The following SEPTIN11 variants were observed in gnomAD, a reference collection of about 807,000 sequenced individuals.
SEPTIN11 encodes septin-11.
Under a neutral mutation model 51.4 loss-of-function variants are expected in SEPTIN11, and 25 were observed. The ratio of observed to expected loss-of-function variants is 0.49; its 90% CI spans 0.35 to 0.68. The LOEUF (loss-of-function observed/expected upper bound fraction) is 0.68, where lower values mean the gene tolerates loss of function less well. SEPTIN11 is among the 30% of genes least tolerant of loss of function. SEPTIN11 has a pLI of 0.00. For missense variants in SEPTIN11, 381 were observed against 520.8 expected, an observed-to-expected ratio of 0.73 and a Z score of 2.61; for synonymous variants, 174 against 184.1, an observed-to-expected ratio of 0.95 and a Z score of 0.44.
chr4:76,994,793 T>C (rs2109932950), intron 1 of SEPTIN11, among the ~76,000 whole-genome samples: 1 of 152,140 alleles, frequency 6.6e-6, no homozygotes, highest in African/African-American at 2.4e-5. Context: ...AAATGGGGTC[T>C]TAGTCCTTGC....
chr4:77,029,170 C>T (rs999191718), intron 8 of SEPTIN11, among the ~76,000 whole-genome samples: 1 of 152,208 alleles, frequency 6.6e-6, no homozygotes, highest in Non-Finnish European at 1.5e-5. Flanking sequence ...TGGGGGACAA[C>T]GATCTGACAC....
chr4:76,979,758 G>C (rs115296938), intron 1 of SEPTIN11, among the ~76,000 whole-genome samples: 2 of 151,636 alleles, frequency 1.3e-5, no homozygotes, highest in Admixed American at 6.6e-5. Flanking sequence ...GCTGGTGGGC[G>C]CCTGTAATCC....
At chr4:76,978,033 C>T (rs1722581954) in intron 1 of SEPTIN11, among the ~76,000 whole-genome samples, 1 of 152,124 alleles carries the variant, frequency 6.6e-6, no homozygotes, top group South Asian at 2.1e-4. Context: ...TTTTTCTCTG[C>T]AACTAATTCT....
intron 1 of SEPTIN11, among the ~76,000 whole-genome samples, chr4:76,993,762 A>G (rs1723507264): frequency 6.6e-6 from 1 of 152,228 alleles, no homozygotes. Flanking sequence ...CATATTCTAT[A>G]TTACAGTGTT....
Position 77,016,615 on chromosome 4 carries a change from CATATATATATATATACACATAT to C in SEPTIN11, c.687+1614_687+1635del, listed in dbSNP as rs1448214807. Among the ~76,000 whole-genome samples, 82 of 79,220 alleles carry C rather than the reference CATATATATATATATACACATAT, an allele frequency of 1.0e-3. 1 individual carries two copies. Among genetic ancestry groups the C allele is most frequent in the African/African-American group, 2.9e-3 (62 of 21,486 alleles). 52.0% of individuals were successfully genotyped at this position (79,220 alleles called of 152,430 possible). On this transcript the variant is annotated intron_variant, in intron 5 of 9. Coordinates refer to ENST00000264893, the MANE Select transcript of SEPTIN11 (RefSeq NM_018243.4). ...ATACACACACATATATATATATACA[CATATATATATATATACACATAT>C]ATATATATATATATATATACACATA...
intron 1 of SEPTIN11, among the ~76,000 whole-genome samples, chr4:76,979,540 A>G (rs187212527): frequency 6.0e-4 from 92 of 152,266 alleles, no homozygotes; most frequent in Non-Finnish European, 9.9e-4. Context: ...AATGGAGCCA[A>G]TAGTATCTAC....
chr4:76,959,810 G>A (rs887973574), intron 1 of SEPTIN11, among the ~76,000 whole-genome samples: 5 of 152,190 alleles, frequency 3.3e-5, no homozygotes, highest in Admixed American at 3.3e-4. Context: ...GGGGATTAAT[G>A]TAGTATTTCC....
chr4:76,956,991 T>A (rs531651922), intron 1 of SEPTIN11, among the ~76,000 whole-genome samples: 1 of 138,204 alleles, frequency 7.2e-6, no homozygotes. Flanking sequence ...TGTGTGTGTG[T>A]GTGAGAGAGA....
At chr4:77,021,744 G>C (rs528423315) in intron 7 of SEPTIN11, 2 of 152,494 alleles carry the variant, frequency 1.3e-5, no homozygotes, top group East Asian at 3.9e-4. Flanking sequence ...AATAGAACCG[G>C]AGGCAGCCTG....
intron 1 of SEPTIN11, chr4:76,972,272 C>A (rs1046757388): frequency 6.6e-6 from 1 of 152,164 alleles, no homozygotes; most frequent in Non-Finnish European, 1.5e-5. Context: ...TCTAACTGTG[C>A]CATCTTTTCT....
In SEPTIN11 at chr4:77,038,016, G is replaced by A. The variant is rs1727150540; in HGVS notation, c.*3504G>A. ...ACAAACTATTGGGTGAGGTTTTTCAGCTGTTACCGACCCACGTCCTGCTGT... is the reference window on the plus strand; with the variant it reads ...ACAAACTATTGGGTGAGGTTTTTCAACTGTTACCGACCCACGTCCTGCTGT... On this transcript the variant is annotated 3_prime_UTR_variant, in exon 10 of 10. Coordinates refer to ENST00000264893, the MANE Select transcript of SEPTIN11 (RefSeq NM_018243.4). 1.0e-6 allele frequency: 1 copy of A among 985,660 alleles called. No homozygotes were observed. The highest frequency in any genetic ancestry group is 1.2e-6 in the Non-Finnish European group (1 of 829,932). The allele number at this position is 985,660 out of a possible 1,614,324, so 61.1% of individuals were successfully genotyped here. A position where few individuals can be genotyped will look rare whatever the true frequency, so the allele number is the denominator to read the frequency against.
At chr4:77,039,648 T>A (rs202225827), downstream of SEPTIN11, 457 of 854,066 alleles carry the variant, frequency 5.4e-4, no homozygotes, top group South Asian at 1.1e-3. Context: ...TTGGGGTTTT[T>A]AAAAAAAAAA....
chr4:76,970,494 C>T (rs182573293), intron 1 of SEPTIN11, among the ~76,000 whole-genome samples: 16 of 152,274 alleles, frequency 1.1e-4, no homozygotes, highest in South Asian at 2.1e-4. Flanking sequence ...AAGAATTTAA[C>T]GATCTCCTAA....
At chr4:77,027,323 A>G (rs1396232472) in intron 7 of SEPTIN11, among the ~76,000 whole-genome samples, 2 of 151,938 alleles carry the variant, frequency 1.3e-5, no homozygotes. Flanking sequence ...TTTAGTAGAG[A>G]TGGAGTTTCA....
At chr4:76,988,754 A>G (rs1723182163) in intron 1 of SEPTIN11, among the ~76,000 whole-genome samples, 1 of 152,274 alleles carries the variant, frequency 6.6e-6, no homozygotes, top group Non-Finnish European at 1.5e-5. Flanking sequence ...ACAAAAAGAA[A>G]TTGCTTTTAA....
intron 1 of SEPTIN11, among the ~76,000 whole-genome samples, chr4:76,970,260 G>T (rs1722187483): frequency 6.6e-6 from 1 of 152,098 alleles, no homozygotes; most frequent in African/African-American, 2.4e-5. Context: ...TTTTTCTTAG[G>T]CTTCTCTAAT....
chr4:76,987,936 G>C, intron 1 of SEPTIN11: 5 of 487,190 alleles, frequency 1.0e-5, no homozygotes, highest in Non-Finnish European at 1.3e-5. Context: ...TCAAAGGAGT[G>C]TACTGTACAT....
chr4:77,036,660 TAA>T lies in SEPTIN11; in HGVS notation c.*2153_*2154del, dbSNP rs796956675. 159 of 1,481,968 alleles carry T rather than the reference TAA, an allele frequency of 1.1e-4. No homozygotes were observed. In the East Asian group the frequency reaches 1.1e-3, roughly 10 times the overall value. 91.8% of individuals were successfully genotyped at this position (1,481,968 alleles called of 1,614,324 possible). On this transcript the variant is annotated 3_prime_UTR_variant, in exon 10 of 10. Coordinates refer to ENST00000264893, the MANE Select transcript of SEPTIN11 (RefSeq NM_018243.4). ...AGAAACAAATAGAAGCTTTTTTTTTTAAAAAATGTATTGCTTCTGAACTTTTT... is the reference window on the plus strand; with the variant it reads ...AGAAACAAATAGAAGCTTTTTTTTTTAAAATGTATTGCTTCTGAACTTTTT...
At chr4:76,962,358 C>A (rs771867527) in intron 1 of SEPTIN11, among the ~76,000 whole-genome samples, 1 of 152,228 alleles carries the variant, frequency 6.6e-6, no homozygotes, top group Non-Finnish European at 1.5e-5. Context: ...TTAAAAATCT[C>A]AATCTTTAAA....
Sources: gnomAD v4.1 joint callset for allele counts (sites outside exome capture counted in the v4.1 genomes callset) on GRCh38, gnomAD v4.1.1 for gene constraint, MANE v1.5 for transcripts, NCBI Gene and HGNC (gene_info 2026-07-23, HGNC 2026-07-21) for gene names.